Variants in PRP4K observed in about 807,000 individuals in gnomAD.
PRP4K encodes the protein pre-mRNA processing factor kinase PRP4K.
the PRP4K span, chr6:4,060,613 T>C: frequency 6.2e-7 from 1 of 1,611,122 alleles, no homozygotes; most frequent in Non-Finnish European, 8.5e-7. This position sits in a 1 kb window ranked among gnomAD's most constrained non-coding sequence, Gnocchi z 4.7. Context: ...AGGAAAAAAT[T>C]TAAACAAGAT....
the PRP4K span, chr6:4,021,600 G>T: frequency 1.0e-5 from 13 of 1,275,034 alleles, no homozygotes; most frequent in Non-Finnish European, 1.4e-5. Context: ...TTCGTTGTGG[G>T]GTGGGAGGCA....
chr6:4,036,183 A>G, the PRP4K span, among the ~76,000 whole-genome samples: 2 of 152,154 alleles, frequency 1.3e-5, no homozygotes, highest in African/African-American at 4.8e-5. Flanking sequence ...ACTGAAAGGT[A>G]CTTGTGTGAT....
the PRP4K span, among the ~76,000 whole-genome samples, chr6:4,048,732 G>A: frequency 2.7e-5 from 4 of 148,412 alleles, no homozygotes; most frequent in Admixed American, 1.3e-4. Context: ...TACACCTGGC[G>A]CTTTTTTTTT....
chr6:4,024,348 T>C, the PRP4K span, among the ~76,000 whole-genome samples: 2 of 152,120 alleles, frequency 1.3e-5, no homozygotes, highest in South Asian at 2.1e-4. Context: ...TTAAAAGATA[T>C]ATACATTTTA....
chr6:4,038,565 A>G, the PRP4K span, among the ~76,000 whole-genome samples: 1 of 151,800 alleles, frequency 6.6e-6, no homozygotes, highest in East Asian at 1.9e-4. Context: ...ACCCAGCCAC[A>G]ATGAGGGTTT....
the PRP4K span, chr6:4,056,908 A>G: frequency 9.0e-7 from 1 of 1,117,274 alleles, no homozygotes. Flanking sequence ...ACTAATTGTC[A>G]AACTAAGGCA....
At chr6:4,058,887 A>AT in the PRP4K span, 1 of 1,231,990 alleles carries the variant, frequency 8.1e-7, no homozygotes, top group Non-Finnish European at 1.1e-6. Flanking sequence ...GAGCTGGTGA[A>AT]TTAAAAAAAA....
chr6:4,054,614 C>T, the PRP4K span, among the ~76,000 whole-genome samples: 3 of 152,162 alleles, frequency 2.0e-5, no homozygotes, highest in Non-Finnish European at 4.4e-5. Flanking sequence ...TCAAGCATTT[C>T]TCCTGCCTCA....
chr6:4,030,206 G>A, the PRP4K span, among the ~76,000 whole-genome samples: 1 of 152,196 alleles, frequency 6.6e-6, no homozygotes, highest in Non-Finnish European at 1.5e-5. Flanking sequence ...GCCTCCCAAA[G>A]TGCTGGGATT....
the PRP4K span, among the ~76,000 whole-genome samples, chr6:4,052,538 C>T: frequency 6.6e-6 from 1 of 152,190 alleles, no homozygotes; most frequent in South Asian, 2.1e-4. Context: ...GTGTTATATA[C>T]ATACAATTTG....
At chr6:4,059,845 G>A in the PRP4K span, among the ~76,000 whole-genome samples, 1 of 152,160 alleles carries the variant, frequency 6.6e-6, no homozygotes, top group Non-Finnish European at 1.5e-5. Flanking sequence ...GGGTTTTGCA[G>A]TGTTGCCCAG....
the PRP4K span, among the ~76,000 whole-genome samples, chr6:4,029,735 C>G: frequency 6.6e-6 from 1 of 151,964 alleles, no homozygotes; most frequent in African/African-American, 2.4e-5. Flanking sequence ...AAATTGGTTT[C>G]TTTCTGTGAT....
At chr6:4,047,357 C>T in the PRP4K span, 2 of 947,782 alleles carry the variant, frequency 2.1e-6, no homozygotes, top group South Asian at 1.6e-5. Context: ...ATATTTTGAA[C>T]AGTGTGGGTG....
At chr6:4,042,719 TTTAG>T in the PRP4K span, 1 of 597,830 alleles carries the variant, frequency 1.7e-6, no homozygotes, top group Non-Finnish European at 2.8e-6. Context: ...ATGATCTTTT[TTTAG>T]TTACTAAAAC....
the PRP4K span, among the ~76,000 whole-genome samples, chr6:4,046,085 C>G: frequency 1.3e-5 from 2 of 152,184 alleles, no homozygotes; most frequent in African/African-American, 4.8e-5. Flanking sequence ...TCATTGGGTA[C>G]TGATTATAAT....
chr6:4,024,926 G>A, the PRP4K span, among the ~76,000 whole-genome samples: 3 of 152,116 alleles, frequency 2.0e-5, no homozygotes, highest in Non-Finnish European at 4.4e-5. Flanking sequence ...TTTTAAAGGC[G>A]TTCCACGATT....
chr6:4,053,779 AG>A, the PRP4K span, among the ~76,000 whole-genome samples: 1 of 152,176 alleles, frequency 6.6e-6, no homozygotes, highest in Non-Finnish European at 1.5e-5. Flanking sequence ...TCTCTTTATC[AG>A]TTCTCCTACA....
At chr6:4,047,277 CAA>C in the PRP4K span, 4 of 1,492,164 alleles carry the variant, frequency 2.7e-6, no homozygotes, top group Non-Finnish European at 3.7e-6. Context: ...AGTGTTAAAA[CAA>C]AAAAAAATAA....
chr6:4,039,592 G>A, the PRP4K span, among the ~76,000 whole-genome samples: 1 of 152,096 alleles, frequency 6.6e-6, no homozygotes, highest in Non-Finnish European at 1.5e-5. Flanking sequence ...TCTGTCCTCA[G>A]CTCTTACCTC....
Sources: gnomAD v4.1 joint callset for allele counts (sites outside exome capture counted in the v4.1 genomes callset) on GRCh38, gnomAD v4.1.1 for gene constraint, Gnocchi (gnomAD v3.1) non-coding constraint, MANE v1.5 for transcripts, NCBI Gene and HGNC (gene_info 2026-07-23, HGNC 2026-07-21) for gene names.